The following SYT1 variants were observed in gnomAD, a reference collection of about 807,000 sequenced individuals.
SYT1 encodes the protein synaptotagmin-1.
SYT1 carries 8 observed loss-of-function variants against 44.8 expected under a neutral mutation model. The ratio of observed to expected loss-of-function variants is 0.18; its 90% confidence interval spans 0.10 to 0.32. SYT1 has a LOEUF of 0.32. Among genes scored for constraint, SYT1 ranks in the 10% least tolerant of loss-of-function variants. The pLI, the probability that SYT1 is intolerant of heterozygous loss-of-function variation, is 1.00. For missense variants in SYT1, 286 were observed against 509.3 expected (o/e 0.56, Z 4.22); for synonymous variants, 154 against 188.8 (o/e 0.82, Z 1.51).
intron 1 of SYT1, among the ~76,000 whole-genome samples, chr12:78,881,316 C>T (rs1192108670): frequency 1.3e-5 from 2 of 151,644 alleles, no homozygotes; most frequent in East Asian, 1.9e-4. Context: ...AGAAATTTTT[C>T]CCAACCCATC....
At chr12:79,309,085 T>G (rs1032926135) in intron 8 of SYT1, among the ~76,000 whole-genome samples, 3 of 152,164 alleles carry the variant, frequency 2.0e-5, no homozygotes, top group Non-Finnish European at 2.9e-5. Context: ...TTCTCAAGGA[T>G]CTCCACAAAC....
intron 4 of SYT1, among the ~76,000 whole-genome samples, chr12:79,249,652 C>A (rs1042631017): frequency 4.6e-5 from 7 of 152,062 alleles, no homozygotes; most frequent in Non-Finnish European, 1.0e-4. Context: ...AAACAAGGGT[C>A]TTGTCATTTG....
rs150404272 is a variant in SYT1 at position 78,934,061 on chromosome 12, C to T, written c.-216-43738C>T. Among the ~76,000 whole-genome samples, 355 of 152,060 alleles carry T rather than the reference C, an allele frequency of 2.3e-3. 3 individuals are homozygous for T. Among genetic ancestry groups the T allele is most frequent in the East Asian group, 8.5e-3 (44 of 5,152 alleles). On this transcript the variant is annotated intron_variant, in intron 1 of 10. Coordinates refer to ENST00000261205, the MANE Select transcript of SYT1 (RefSeq NM_005639.3). ...AGACCCCCAATGGATGCCTGAACCA[C>T]AGATAGTAGTAAACCCTATATACAC... is the stretch of plus-strand genomic sequence containing the variant.
At chr12:79,204,959 CTTTTTTTT>C (rs35259216) in intron 3 of SYT1, among the ~76,000 whole-genome samples, 1 of 2,220 alleles carries the variant, frequency 4.5e-4, no homozygotes, top group Non-Finnish European at 7.0e-4. Context: ...CCTGTTGTAA[CTTTTTTTT>C]TTTTTTTTTT....
At chr12:79,429,247 C>T (rs948960940) in intron 9 of SYT1, among the ~76,000 whole-genome samples, 8 of 152,060 alleles carry the variant, frequency 5.3e-5, no homozygotes, top group Admixed American at 3.9e-4. Context: ...CGCTCTGTTG[C>T]CCAGGCTGGA....
intron 3 of SYT1, among the ~76,000 whole-genome samples, chr12:79,062,463 G>T (rs1412831416): frequency 6.6e-6 from 1 of 152,146 alleles, no homozygotes; most frequent in East Asian, 1.9e-4. Flanking sequence ...GGTGGTGAGT[G>T]CTTATTATCA....
At chr12:79,267,931 C>T (rs1421561479) in intron 4 of SYT1, among the ~76,000 whole-genome samples, 1 of 152,190 alleles carries the variant, frequency 6.6e-6, no homozygotes, top group Non-Finnish European at 1.5e-5. Context: ...TTAAAGCAGA[C>T]TAATATTATT....
chr12:79,219,430 C>G (rs913252213), intron 4 of SYT1, among the ~76,000 whole-genome samples: 47 of 151,938 alleles, frequency 3.1e-4, no homozygotes, highest in African/African-American at 1.1e-3. Context: ...TTGTCAAGAC[C>G]ATGTCATAAA....
In SYT1 at chr12:79,179,223, G is replaced by GAT. The variant is rs1394978060; in HGVS notation, c.-17-38276_-17-38275dup. 3.3e-4 allele frequency among the ~76,000 whole-genome samples: 6 copies of GAT among 18,386 alleles called. 2 individuals carry two copies. The highest frequency in any genetic ancestry group is 5.5e-4 in the Non-Finnish European group (6 of 10,856). 12.1% of individuals were successfully genotyped at this position (18,386 alleles called of 152,430 possible). On this transcript the variant is annotated intron_variant, in intron 3 of 10. Coordinates refer to ENST00000261205, the MANE Select transcript of SYT1 (RefSeq NM_005639.3). Reference sequence around the variant, plus strand: ...ATATAGATATAGATATAGATATATAGATATAGATATAGATATATAGATATA... The same window carrying GAT: ...ATATAGATATAGATATAGATATATAGATATATAGATATAGATATATAGATATA...
chr12:79,200,586 C>A (rs755213215), intron 3 of SYT1, among the ~76,000 whole-genome samples: 4 of 152,086 alleles, frequency 2.6e-5, no homozygotes, highest in Non-Finnish European at 4.4e-5. Flanking sequence ...TCCTCCTTTA[C>A]CTTGAAAAAT....
intron 1 of SYT1, among the ~76,000 whole-genome samples, chr12:78,946,339 T>C (rs1878653069): frequency 6.6e-6 from 1 of 152,108 alleles, no homozygotes; most frequent in Non-Finnish European, 1.5e-5. Flanking sequence ...GCTTATGTTC[T>C]AGTCATACGT....
intron 10 of SYT1, among the ~76,000 whole-genome samples, chr12:79,446,715 G>A (rs1380706416): frequency 1.3e-5 from 2 of 152,076 alleles, no homozygotes; most frequent in Non-Finnish European, 2.9e-5. Context: ...TAAATGCAGA[G>A]GACACTGGTT....
intron 3 of SYT1, among the ~76,000 whole-genome samples, chr12:79,153,369 A>C (rs1237750841): frequency 2.3e-4 from 35 of 152,134 alleles, no homozygotes; most frequent in Admixed American, 2.3e-3. Context: ...TCGGAAGAAG[A>C]GCCATTGAAC....
intron 1 of SYT1, among the ~76,000 whole-genome samples, chr12:78,944,120 A>G (rs928539317): frequency 6.6e-6 from 1 of 151,936 alleles, no homozygotes; most frequent in Non-Finnish European, 1.5e-5. Context: ...TCAGAATTTT[A>G]AAAATCTCTG....
chr12:79,052,487 A>G (rs1425763854), intron 3 of SYT1, among the ~76,000 whole-genome samples: 1 of 151,690 alleles, frequency 6.6e-6, no homozygotes, highest in East Asian at 1.9e-4. Context: ...AATGGCAACA[A>G]AAGCCAAAAT....
chr12:78,980,835 G>A (rs1232993407), intron 2 of SYT1, among the ~76,000 whole-genome samples: 1 of 152,106 alleles, frequency 6.6e-6, no homozygotes, highest in South Asian at 2.1e-4. Context: ...AAATAAATGA[G>A]AAATTAAAAG....
At chr12:78,968,122 AGAGGAGTATATGGTTAAATAG>A (rs1868291636) in intron 1 of SYT1, among the ~76,000 whole-genome samples, 2 of 152,164 alleles carry the variant, frequency 1.3e-5, no homozygotes, top group Admixed American at 6.6e-5. Flanking sequence ...AATAGGAGAA[AGAGGAGTATATGGTTAAATAG>A]GATGCAATGT....
chr12:78,882,391 A>G (rs1184171827), intron 1 of SYT1, among the ~76,000 whole-genome samples: 3 of 151,766 alleles, frequency 2.0e-5, no homozygotes, highest in African/African-American at 7.2e-5. Flanking sequence ...TACAAATTTA[A>G]TCACTCTATG....
intron 9 of SYT1, among the ~76,000 whole-genome samples, chr12:79,420,487 G>A (rs899422254): frequency 6.6e-6 from 1 of 152,062 alleles, no homozygotes; most frequent in African/African-American, 2.4e-5. Context: ...TCAGCTCTGG[G>A]CAGTATCTTA....
Sources: gnomAD v4.1 joint callset for allele counts (sites outside exome capture counted in the v4.1 genomes callset) on GRCh38, gnomAD v4.1.1 for gene constraint, MANE v1.5 for transcripts, NCBI Gene and HGNC (gene_info 2026-07-23, HGNC 2026-07-21) for gene names.